TTC27: variants seen among roughly 807,000 people sequenced by gnomAD.
TTC27 encodes tetratricopeptide repeat domain 27.
Under a neutral mutation model 115.9 loss-of-function variants are expected in TTC27, and 79 were observed. The ratio of observed to expected loss-of-function variants is 0.68; its 90% CI spans 0.57 to 0.82. The LOEUF (loss-of-function observed/expected upper bound fraction) is 0.82, where lower values mean the gene tolerates loss of function less well. TTC27 is among the 40% of genes least tolerant of loss of function. The pLI, the probability that TTC27 is intolerant of heterozygous loss-of-function variation, is 0.00. For missense variants in TTC27, 1,054 were observed against 993.1 expected, an observed-to-expected ratio of 1.06 and a Z score of -0.82; for synonymous variants, 401 against 356.0, an observed-to-expected ratio of 1.13 and a Z score of -1.42.
At chr2:32,639,655 T>C (rs1247410954) in intron 3 of TTC27, among the ~76,000 whole-genome samples, 2 of 152,262 alleles carry the variant, frequency 1.3e-5, no homozygotes, top group East Asian at 3.8e-4. Flanking sequence ...AGTGAATTTA[T>C]GAAGTGATGA....
chr2:32,799,432 A>G (rs146769992), intron 16 of TTC27, among the ~76,000 whole-genome samples: 113 of 152,342 alleles, frequency 7.4e-4, no homozygotes, highest in African/African-American at 2.6e-3. Flanking sequence ...GAGGAAAAAA[A>G]TCTCTCTAAG....
At chr2:32,632,842 C>A (rs1664267352) in intron 2 of TTC27, among the ~76,000 whole-genome samples, 1 of 152,062 alleles carries the variant, frequency 6.6e-6, no homozygotes, top group Non-Finnish European at 1.5e-5. Context: ...TAGGGTTTGG[C>A]ACATTATGGC....
At chr2:32,638,209 G>C (rs1664499463) in intron 3 of TTC27, among the ~76,000 whole-genome samples, 1 of 152,048 alleles carries the variant, frequency 6.6e-6, no homozygotes, top group Non-Finnish European at 1.5e-5. Flanking sequence ...ATTAATTATT[G>C]AAGTTTTTTT....
chr2:32,755,096 G>C (rs1298183983), intron 12 of TTC27, among the ~76,000 whole-genome samples: 1 of 151,948 alleles, frequency 6.6e-6, no homozygotes, highest in Non-Finnish European at 1.5e-5. Context: ...TCACTTCCTA[G>C]ATGGGATGGC....
intron 4 of TTC27, among the ~76,000 whole-genome samples, chr2:32,645,620 A>G (rs535763145): frequency 6.6e-6 from 1 of 152,228 alleles, no homozygotes; most frequent in Non-Finnish European, 1.5e-5. Context: ...ATATATGTAT[A>G]CATGTGCCAT....
chr2:32,818,693 C>G (rs1034462498), intron 19 of TTC27, among the ~76,000 whole-genome samples: 2 of 152,282 alleles, frequency 1.3e-5, no homozygotes, highest in Non-Finnish European at 2.9e-5. Context: ...CTTTTCTAGC[C>G]TTTACTTGCT....
intron 12 of TTC27, among the ~76,000 whole-genome samples, chr2:32,738,425 A>G (rs1200782986): frequency 6.6e-6 from 1 of 152,152 alleles, no homozygotes; most frequent in Non-Finnish European, 1.5e-5. Context: ...ATTCTACGAG[A>G]TGTTTTTTCT....
intron 7 of TTC27, among the ~76,000 whole-genome samples, chr2:32,668,749 C>T (rs1456286808): frequency 6.6e-6 from 1 of 152,006 alleles, no homozygotes; most frequent in Non-Finnish European, 1.5e-5. Context: ...TAATATATTA[C>T]ATGTGGCTAT....
intron 10 of TTC27, among the ~76,000 whole-genome samples, chr2:32,713,923 C>T (rs1667667767): frequency 6.6e-6 from 1 of 152,138 alleles, no homozygotes; most frequent in Admixed American, 6.5e-5. Context: ...TCCTTCCGCT[C>T]TCCACCCTCA....
At chr2:32,798,174 A>G (rs1164042573) in intron 16 of TTC27, among the ~76,000 whole-genome samples, 1 of 151,736 alleles carries the variant, frequency 6.6e-6, no homozygotes, top group African/African-American at 2.4e-5. Context: ...TGGGAGGCCA[A>G]GGCGGGCAGA....
chr2:32,816,589 GTT>G (rs1671509220), intron 18 of TTC27, among the ~76,000 whole-genome samples: 1 of 152,192 alleles, frequency 6.6e-6, no homozygotes, highest in Non-Finnish European at 1.5e-5. Flanking sequence ...GTAGTTTCAG[GTT>G]TTGGGAAAAT....
intron 13 of TTC27, 74 bp downstream of exon 13, chr2:32,758,593 A>G (rs1669326956): frequency 2.2e-6 from 3 of 1,376,922 alleles, no homozygotes; most frequent in South Asian, 1.2e-5. Flanking sequence ...CAGAATGAGT[A>G]CCCATTTTCT....
chr2:32,812,654 A>T (rs1252633637), intron 18 of TTC27, 39 bp downstream of exon 18: 1 of 1,483,234 alleles, frequency 6.7e-7, no homozygotes, highest in Admixed American at 1.7e-5. Flanking sequence ...GAATGTTTTG[A>T]CTTATTTTCT....
chr2:32,670,298 C>T (rs1369617214), intron 7 of TTC27, among the ~76,000 whole-genome samples: 1 of 152,144 alleles, frequency 6.6e-6, no homozygotes, highest in African/African-American at 2.4e-5. Context: ...TTAAATTACA[C>T]TTTGTTGAGA....
chr2:32,693,098 A>G (rs959161631), intron 9 of TTC27, among the ~76,000 whole-genome samples: 3 of 152,224 alleles, frequency 2.0e-5, no homozygotes, highest in African/African-American at 4.8e-5. Context: ...AAATTAACCT[A>G]CATAATTAAT....
chr2:32,646,341 T>A (rs1664858758), intron 4 of TTC27, among the ~76,000 whole-genome samples: 1 of 151,924 alleles, frequency 6.6e-6, no homozygotes, highest in African/African-American at 2.4e-5. Flanking sequence ...TTTTTTAAGT[T>A]TTATTTTTGT....
intron 9 of TTC27, among the ~76,000 whole-genome samples, chr2:32,697,262 T>A (rs1667020361): frequency 6.6e-6 from 1 of 152,072 alleles, no homozygotes; most frequent in Admixed American, 6.6e-5. Flanking sequence ...TTATATCAGC[T>A]TATATTTAGG....
At chr2:32,637,286 C>G (rs1461094234) in intron 3 of TTC27, among the ~76,000 whole-genome samples, 1 of 151,858 alleles carries the variant, frequency 6.6e-6, no homozygotes, top group Non-Finnish European at 1.5e-5. Context: ...AACAGGCAGA[C>G]ATATTTCTTG....
At chr2:32,744,145 G>T (rs1011544057) in intron 12 of TTC27, among the ~76,000 whole-genome samples, 1 of 152,190 alleles carries the variant, frequency 6.6e-6, no homozygotes, top group African/African-American at 2.4e-5. Context: ...AGTATGTACA[G>T]ATTCCAAATT....
Sources: allele counts gnomAD v4.1 joint callset (sites outside exome capture counted in the v4.1 genomes callset), GRCh38; gene constraint gnomAD v4.1.1; transcripts MANE v1.5; gene names NCBI Gene and HGNC (gene_info 2026-07-23, HGNC 2026-07-21).